The following SMTN variants were observed in gnomAD, a reference collection of about 807,000 sequenced individuals.
SMTN encodes smoothelin.
A neutral mutation model predicts 102.0 loss-of-function variants in SMTN; 58 were observed. The ratio of observed to expected loss-of-function variants is 0.57; its 90% confidence interval spans 0.46 to 0.71. The LOEUF is 0.71. SMTN is among the 30% of genes least tolerant of loss of function. The probability of loss-of-function intolerance (pLI) is 0.00; values close to 1 mark genes in which losing one functional copy is unlikely to be tolerated. For synonymous variants in SMTN, 478 were observed against 497.9 expected (o/e 0.96, Z 0.53); for missense variants, 1,185 against 1,241.7 (o/e 0.95, Z 0.69).
chr22:31,098,746 A>G lies in SMTN; in HGVS notation c.2239A>G (p.Lys747Glu). 6.2e-7 allele frequency: 1 copy of G among 1,613,390 alleles called. No individual in the cohort carries two copies. Among genetic ancestry groups the G allele is most frequent in the Non-Finnish European group, 8.5e-7 (1 of 1,179,900 alleles). ...ALEKRQAEKK[K>E]ELMKAQSLPK... ...CGAGAAACGGCAGGCCGAGAAGAAGAAAGAGCTGATGAAGGCGCAGAGTCT... is the reference window on the plus strand; with the variant it reads ...CGAGAAACGGCAGGCCGAGAAGAAGGAAGAGCTGATGAAGGCGCAGAGTCT... The change falls in exon 17 of 21, where the codon AAA (lysine) becomes GAA (glutamate). Residue 747 changes from lysine (K) to glutamate (E), a missense_variant. Transcript: ENST00000333137.
intron 18 of SMTN, 48 bp from the exon 19 acceptor site, chr22:31,099,696 AG>A (rs756320428): frequency 6.3e-6 from 10 of 1,598,820 alleles, no homozygotes; most frequent in South Asian, 2.2e-5. Context: ...GGTAGACAGC[AG>A]GGGGGAGTTG....
chr22:31,101,068 A>C lies in SMTN; in HGVS notation c.*20+19A>C, dbSNP rs5753459. 0.84 allele frequency: 1,328,539 copies of C among 1,577,032 alleles called. 561,555 individuals are homozygous for C. The highest frequency in any genetic ancestry group is 1 in the East Asian group (43,040 of 43,056). On this transcript the variant is annotated intron_variant, in intron 20 of 20. Transcript: ENST00000333137. The stretch of plus-strand genomic sequence containing the variant: ...CCCCACGGTGAGAAACGCCGCCTCT[A>C]CCACCTGCCCCGTTTCACCAGAATC...
Position 31,099,176 on chromosome 22 carries a change from C to T in SMTN, c.2448C>T (p.Tyr816=). Residue 816 remains tyrosine (Y), a synonymous_variant, in exon 18 of 21, where the codon TAC becomes TAT. Coordinates refer to ENST00000333137, the MANE Select transcript of SMTN (RefSeq NM_134269.3). ...GGTGTCGAGCCAAGACTCGCGGCTA[C>T]GAGGTGAGCCCCGGGAGGCCAGGGG... The part of the protein sequence containing the change: ...LDWCRAKTRG[Y]EHVDIQNFSS... 6.2e-7 allele frequency: 1 copy of T among 1,610,528 alleles called. No homozygotes were observed. Among genetic ancestry groups the T allele is most frequent in the East Asian group, 2.2e-5 (1 of 44,834 alleles).
chr22:31,097,013 C>T lies in SMTN; in HGVS notation c.2042C>T (p.Thr681Met), dbSNP rs761950333. 17 of 1,614,178 alleles carry T rather than the reference C, an allele frequency of 1.1e-5. No individual in the cohort carries two copies. The highest frequency in any genetic ancestry group is 1.6e-4 in the Middle Eastern group (1 of 6,062). ...RLVHSNDGTR[T>M]ARTTTVESSF... ...GCCCCTGCAGATGATGGCACACGGA[C>T]GGCCCGCACCACCACAGTGGAGTCG... Residue 681 changes from threonine (T) to methionine (M), a missense_variant, in exon 15 of 21, where the codon ACG (threonine) becomes ATG (methionine). Transcript: ENST00000333137.
chr22:31,104,074 A>T (rs1458500058), intron 20 of SMTN: 3 of 537,414 alleles, frequency 5.6e-6, no homozygotes, highest in Non-Finnish European at 1.0e-5. Flanking sequence ...CCTGACTGGG[A>T]TGGGGCTCTC....
Position 31,090,789 on chromosome 22 carries a change from C to T in SMTN, c.866-19C>T, listed in dbSNP as rs1022134028. 2.5e-6 allele frequency: 4 copies of T among 1,602,412 alleles called. No individual in the cohort carries two copies. Among genetic ancestry groups the T allele is most frequent in the Middle Eastern group, 1.7e-4 (1 of 6,046 alleles). ...TTCTCTTTCCCCACATGGCCATCAC[C>T]CCCTCCCCAACCTGCCAGACGTGGC... is the stretch of plus-strand genomic sequence containing the variant. On this transcript the variant is annotated intron_variant, in intron 8 of 20. Coordinates refer to ENST00000333137, the MANE Select transcript of SMTN (RefSeq NM_134269.3).
rs776602270 is a variant in SMTN at position 31,091,872 on chromosome 22, C to T, written c.1632+25C>T. 4 of 1,536,146 alleles carry T rather than the reference C, an allele frequency of 2.6e-6. No individual in the cohort carries two copies. The Admixed American group carries it at 5.5e-5, about 21-fold the overall frequency. Reference sequence around the variant, plus strand: ...GGTGAGCCCCTCCTCACCCCACCAGCCTCACCATCCGTCAGCCTCACATAC... The same window carrying T: ...GGTGAGCCCCTCCTCACCCCACCAGTCTCACCATCCGTCAGCCTCACATAC... On this transcript the variant is annotated intron_variant, in intron 11 of 20. Coordinates refer to ENST00000333137, the MANE Select transcript of SMTN (RefSeq NM_134269.3).
rs1280346076 is a variant in SMTN at position 31,100,983 on chromosome 22, ACCGCTGTCTGGT to A, written c.2705_2716del (p.Arg902_Val905del). 1 of 1,613,406 alleles carries A rather than the reference ACCGCTGTCTGGT, an allele frequency of 6.2e-7. No individual in the cohort carries two copies. The highest frequency in any genetic ancestry group is 1.7e-5 in the Admixed American group (1 of 59,994). On this transcript the variant is annotated inframe_deletion, in exon 20 of 21. Transcript: ENST00000333137. ...GTGTACACGTACATCCAGGAATTCTACCGCTGTCTGGTCCAGAAGGGGCTGGTAAAAACCAAA... is the reference window on the plus strand; with the variant it reads ...GTGTACACGTACATCCAGGAATTCTACCAGAAGGGGCTGGTAAAAACCAAA...
chr22:31,094,664 G>GTT (rs58498250), intron 11 of SMTN, among the ~76,000 whole-genome samples: 6 of 141,768 alleles, frequency 4.2e-5, no homozygotes, highest in Admixed American at 1.4e-4. Flanking sequence ...TTCCCCTTCT[G>GTT]TTTTTTTTTT....
chr22:31,068,762 A>G (rs914398507), intron 1 of SMTN, among the ~76,000 whole-genome samples: 1 of 152,214 alleles, frequency 6.6e-6, no homozygotes, highest in Non-Finnish European at 1.5e-5. Flanking sequence ...GTCTAGCAGG[A>G]GACAAACAAC....
intron 1 of SMTN, among the ~76,000 whole-genome samples, chr22:31,070,797 G>A (rs2041978554): frequency 2.0e-5 from 3 of 151,878 alleles, no homozygotes; most frequent in Admixed American, 2.0e-4. Flanking sequence ...GGTGGCAGGA[G>A]CCTGTAATCC....
chr22:31,068,400 C>G (rs1360228835), intron 1 of SMTN: 1 of 152,034 alleles, frequency 6.6e-6, no homozygotes, highest in East Asian at 1.9e-4. Context: ...AAATGTTACC[C>G]CGGGGATTCC....
intron 15 of SMTN, 69 bp from the exon 16 acceptor site, chr22:31,097,200 C>A: frequency 3.3e-6 from 5 of 1,534,124 alleles, no homozygotes; most frequent in Non-Finnish European, 3.6e-6. Context: ...CCCCTCCATA[C>A]AGCCTCCCAT....
At chr22:31,082,900 C>T (rs758213447) in intron 1 of SMTN, 2 of 1,548,258 alleles carry the variant, frequency 1.3e-6, no homozygotes, top group Non-Finnish European at 8.7e-7. Flanking sequence ...CCTGCCCTCC[C>T]TGTTTTGAGG....
Position 31,089,954 on chromosome 22 carries a change from A to C in SMTN, c.727A>C (p.Thr243Pro). The C allele has an allele frequency of 6.3e-7, 1 of 1,599,664 alleles. No individual in the cohort carries two copies. The highest frequency in any genetic ancestry group is 1.7e-4 in the Middle Eastern group (1 of 6,038). ...AGAGCCACCCCCCAGCCCACCCAAG[A>C]CCACCAGCCCTGAGCCTCAGGAGTC... is the stretch of plus-strand genomic sequence containing the variant. ...SPEPPPSPPK[T>P]TSPEPQESPT... The change falls in exon 7 of 21, where the codon ACC (threonine) becomes CCC (proline). Residue 243 changes from threonine to proline, a missense_variant. Coordinates refer to ENST00000333137, the MANE Select transcript of SMTN (RefSeq NM_134269.3).
rs200124207 is a variant in SMTN at position 31,088,017 on chromosome 22, G to A, written c.104G>A (p.Arg35Gln). The A allele has an allele frequency of 7.7e-5, 124 of 1,611,608 alleles. No homozygotes were observed. The highest frequency in any genetic ancestry group is 6.5e-4 in the Admixed American group (39 of 59,944). The change falls in exon 3 of 21, where the codon CGG becomes CAG. Residue 35 changes from arginine to glutamine, a missense_variant. Physicochemically the swap from Arg to Gln is conservative, Grantham distance 43 (BLOSUM62 1). Around this residue, in one of 2 missense-constraint regions of SMTN, gnomAD observed 1,096 missense variants for 1,112.7 expected, o/e 0.98. Transcript: ENST00000333137. ...CGGCGGCGCATCCGCTCAGCCATCC[G>A]GGAACTGCAGCGGCAGGAGCTGGAG... ...AERRRIRSAI[R>Q]ELQRQELERE...
intron 1 of SMTN, among the ~76,000 whole-genome samples, chr22:31,074,624 T>C (rs1284101704): frequency 6.6e-6 from 1 of 152,124 alleles, no homozygotes; most frequent in Non-Finnish European, 1.5e-5. Flanking sequence ...ATCCTGTCTC[T>C]ACTAAAAATA....
chr22:31,091,766 C>G lies in SMTN; in HGVS notation c.1551C>G (p.Thr517=). 1.2e-6 allele frequency: 2 copies of G among 1,612,004 alleles called. No homozygotes were observed. Among genetic ancestry groups the G allele is most frequent in the Non-Finnish European group, 1.7e-6 (2 of 1,179,052 alleles). Reference sequence around the variant, plus strand: ...TCACCCGTGTCAACAGCCCTGGGACCCTGGCTCGGCTGGGCAGTGTCACTC... The same window carrying G: ...TCACCCGTGTCAACAGCCCTGGGACGCTGGCTCGGCTGGGCAGTGTCACTC... ...STITRVNSPG[T]LARLGSVTHV... The change falls in exon 11 of 21, where the codon ACC becomes ACG. Residue 517 remains threonine, a synonymous_variant. Coordinates refer to ENST00000333137, the MANE Select transcript of SMTN (RefSeq NM_134269.3).
At chr22:31,073,011 CTTTTTTT>C (rs59040826) in intron 1 of SMTN, among the ~76,000 whole-genome samples, 1 of 85,684 alleles carries the variant, frequency 1.2e-5, no homozygotes, top group Non-Finnish European at 2.2e-5. Flanking sequence ...CTCTCTCTCT[CTTTTTTT>C]TTTTTTTTTT....
Sources: gnomAD v4.1 joint callset for allele counts (sites outside exome capture counted in the v4.1 genomes callset) on GRCh38, gnomAD v4.1.1 for gene constraint, gnomAD v4.1.1 regional missense constraint, MANE v1.5 for transcripts, NCBI Gene and HGNC (gene_info 2026-07-23, HGNC 2026-07-21) for gene names.